TGS1: variants seen among roughly 807,000 people sequenced by gnomAD.
The protein encoded by TGS1 is trimethylguanosine synthase.
A neutral mutation model predicts 92.2 loss-of-function variants in TGS1; 69 were observed. That is an observed-to-expected ratio of 0.75 (90% confidence interval 0.62 to 0.91). The LOEUF (loss-of-function observed/expected upper bound fraction) is 0.91. Among genes scored for constraint, TGS1 ranks in the 40% least tolerant of loss-of-function variants. The pLI, the probability that TGS1 is intolerant of heterozygous loss-of-function variation, is 0.00. For synonymous variants in TGS1, 345 were observed against 338.1 expected (o/e 1.02, Z -0.22); for missense variants, 1,062 against 1,001.2 (o/e 1.06, Z -0.82).
At chr8:55,774,982 G>A (rs746850837) in intron 1 of TGS1, among the ~76,000 whole-genome samples, 2 of 152,230 alleles carry the variant, frequency 1.3e-5, no homozygotes, top group African/African-American at 2.4e-5. Flanking sequence ...GGGCACGGTG[G>A]TGCACACCTG....
chr8:55,793,284 T>G (rs1318206872), intron 6 of TGS1, among the ~76,000 whole-genome samples: 3 of 152,234 alleles, frequency 2.0e-5, no homozygotes, highest in Non-Finnish European at 4.4e-5. Flanking sequence ...TTAAAGAGTT[T>G]GGCACTTTGA....
At chr8:55,792,904 C>T (rs142598267) in intron 6 of TGS1, 120 bp downstream of exon 6, 1 of 668,412 alleles carries the variant, frequency 1.5e-6, no homozygotes, top group Non-Finnish European at 2.6e-6. Flanking sequence ...CATTAAATCA[C>T]TTCTTGTTAG....
In TGS1 at chr8:55,813,025, T is replaced by G; in HGVS notation, c.2361-15T>G. On this transcript the variant is annotated splice_polypyrimidine_tract_variant and intron_variant, in intron 11 of 12. Transcript: ENST00000260129. ...TAGCTGCTGTTTTCATTATTTTTCCTTAACTGCTGTCCACCTTTGAAATTT... is the reference window on the plus strand; with the variant it reads ...TAGCTGCTGTTTTCATTATTTTTCCGTAACTGCTGTCCACCTTTGAAATTT... 6.4e-7 allele frequency: 1 copy of G among 1,569,274 alleles called. No homozygotes were observed. Among genetic ancestry groups the G allele is most frequent in the Non-Finnish European group, 8.8e-7 (1 of 1,140,958 alleles).
chr8:55,817,759 T>A (rs896087955), intron 12 of TGS1, among the ~76,000 whole-genome samples: 1 of 152,228 alleles, frequency 6.6e-6, no homozygotes, highest in Non-Finnish European at 1.5e-5. Context: ...GGCTAAGAAC[T>A]GGATTGGGCT....
chr8:55,773,818 G>A, intron 1 of TGS1, 99 bp downstream of exon 1: 1 of 971,138 alleles, frequency 1.0e-6, no homozygotes, highest in Non-Finnish European at 1.6e-6. Flanking sequence ...AAAGCAGCCA[G>A]AACATCTGAC....
chr8:55,799,593 T>C (rs909783771), intron 8 of TGS1, among the ~76,000 whole-genome samples: 2 of 152,172 alleles, frequency 1.3e-5, no homozygotes, highest in Admixed American at 1.3e-4. Flanking sequence ...CCTTTTTTTG[T>C]GTGAGACAGG....
At position 55,796,022 on chromosome 8, in the gene TGS1, T is replaced by G; in HGVS notation, c.1412T>G (p.Leu471Ter). 1 of 1,613,764 alleles carries G rather than the reference T, an allele frequency of 6.2e-7. No homozygotes were observed. Among genetic ancestry groups the G allele is most frequent in the South Asian group, 1.1e-5 (1 of 91,040 alleles). The change falls in exon 7 of 13, where the codon TTA becomes TGA. Residue 471 changes from leucine to a stop codon, truncating the protein, a stop_gained. Coordinates refer to ENST00000260129, the MANE Select transcript of TGS1 (RefSeq NM_024831.8). LOFTEE classifies it high-confidence loss of function. ...PNFSHRQVRY[L>*]EKNVKLKSKY... The stretch of plus-strand genomic sequence containing the variant: ...TTCAGTCATCGGCAGGTCAGGTATT[T>G]AGAGAAGAATGTGAAGCTTAAGTCT...
intron 10 of TGS1, among the ~76,000 whole-genome samples, chr8:55,810,332 C>G (rs114471214): frequency 0.013 from 2,045 of 152,348 alleles, 40 homozygotes; most frequent in African/African-American, 0.047. Context: ...TCTGTTTCCT[C>G]TACCTAAAAT....
At chr8:55,774,487 G>C (rs147571981) in intron 1 of TGS1, among the ~76,000 whole-genome samples, 1 of 152,126 alleles carries the variant, frequency 6.6e-6, no homozygotes, top group African/African-American at 2.4e-5. Context: ...CATTTTTCTC[G>C]TGTAATTTTG....
At chr8:55,805,324 CA>C (rs530960573) in intron 10 of TGS1, among the ~76,000 whole-genome samples, 2 of 150,790 alleles carry the variant, frequency 1.3e-5, no homozygotes, top group Non-Finnish European at 3.0e-5. Flanking sequence ...AGATTTGTGA[CA>C]AAAAAAAGAA....
intron 7 of TGS1, among the ~76,000 whole-genome samples, chr8:55,798,108 G>T (rs980585786): frequency 1.3e-5 from 2 of 152,146 alleles, no homozygotes; most frequent in Admixed American, 6.6e-5. Flanking sequence ...CAGCTACTAA[G>T]CATTGCTGAG....
chr8:55,778,753 C>G (rs1811471844), intron 1 of TGS1, among the ~76,000 whole-genome samples: 1 of 152,184 alleles, frequency 6.6e-6, no homozygotes, highest in African/African-American at 2.4e-5. Flanking sequence ...GGCTTCCTTT[C>G]CATTTTACTA....
Position 55,773,448 on chromosome 8 carries a change from T to A in TGS1, c.-171T>A. The A allele has an allele frequency of 2.0e-6, 1 of 508,698 alleles. No homozygotes were observed. Among genetic ancestry groups the A allele is most frequent in the Non-Finnish European group, 3.4e-6 (1 of 293,158 alleles). The allele number at this position is 508,698 out of a possible 1,614,324, so 31.5% of individuals were successfully genotyped here. A position where few individuals can be genotyped will look rare whatever the true frequency, so the allele number is the denominator to read the frequency against. The stretch of plus-strand genomic sequence containing the variant: ...CCTTCCCGTGGCCCCTCGGAGCCAC[T>A]TCCGGCGGCAGCGTCCGGGCTAGTT... On this transcript the variant is annotated 5_prime_UTR_variant, in exon 1 of 13. Coordinates refer to ENST00000260129, the MANE Select transcript of TGS1 (RefSeq NM_024831.8).
intron 12 of TGS1, among the ~76,000 whole-genome samples, chr8:55,815,918 TTTTA>T (rs142853626): frequency 5.5e-4 from 83 of 150,664 alleles, no homozygotes; most frequent in East Asian, 1.2e-3. Context: ...AAGGACTAAT[TTTTA>T]TTTATTTATT....
At chr8:55,792,648 G>A (rs1446546491) in intron 5 of TGS1, 50 bp from the exon 6 acceptor site, 1 of 1,294,736 alleles carries the variant, frequency 7.7e-7, no homozygotes, top group Non-Finnish European at 1.1e-6. Flanking sequence ...ATCTGAACTA[G>A]TGGGCTCTGG....
chr8:55,790,190 A>C lies in TGS1; in HGVS notation c.1171A>C (p.Lys391Gln), dbSNP rs1375320035. The change falls in exon 5 of 13, where the codon AAG becomes CAG. Residue 391 changes from lysine (K) to glutamine (Q), a missense_variant. Transcript: ENST00000260129. The part of the protein sequence containing the change: ...NTDPPAEDSQ[K>Q]SSGANTSKDR... ...TATTTCTGCCTCTTTAGATTCACAG[A>C]AGTCTTCAGGAGCAAACACAAGCAA... 4 of 1,613,346 alleles carry C rather than the reference A, an allele frequency of 2.5e-6. No homozygotes were observed. The highest frequency in any genetic ancestry group is 3.4e-6 in the Non-Finnish European group (4 of 1,179,474).
At chr8:55,817,507 A>AT (rs1186762730) in intron 12 of TGS1, among the ~76,000 whole-genome samples, 1 of 152,238 alleles carries the variant, frequency 6.6e-6, no homozygotes, top group Non-Finnish European at 1.5e-5. Flanking sequence ...TTTTGGCTAA[A>AT]TACAATAAAA....
At position 55,785,789 on chromosome 8, in the gene TGS1, C is replaced by T. The variant is rs542302180; in HGVS notation, c.237C>T (p.Gly79=). Residue 79 remains glycine, a synonymous_variant, in exon 3 of 13, where the codon GGC becomes GGT. Coordinates refer to ENST00000260129, the MANE Select transcript of TGS1 (RefSeq NM_024831.8). ...CGTAESHDSK[G]IGLDESELDS... ...CTGCAGAATCACATGACAGCAAAGG[C>T]ATAGGCCTGGATGAAAGTGAACTTG... 2.5e-6 allele frequency: 4 copies of T among 1,613,678 alleles called. No individual in the cohort carries two copies. The South Asian group carries it at 3.3e-5, about 13-fold the overall frequency.
intron 12 of TGS1, among the ~76,000 whole-genome samples, chr8:55,823,392 G>A (rs913484038): frequency 1.3e-5 from 2 of 152,220 alleles, no homozygotes; most frequent in Non-Finnish European, 2.9e-5. Flanking sequence ...GATGCTAACT[G>A]TGGAAGTGGG....
Sources: allele counts gnomAD v4.1 joint callset (sites outside exome capture counted in the v4.1 genomes callset), GRCh38; gene constraint gnomAD v4.1.1; transcripts MANE v1.5; gene names NCBI Gene and HGNC (gene_info 2026-07-23, HGNC 2026-07-21).